The following EIF2AK3 variants were observed in gnomAD, a reference collection of about 807,000 sequenced individuals.
EIF2AK3 encodes eukaryotic translation initiation factor 2-alpha kinase 3.
A neutral mutation model predicts 113.5 loss-of-function variants in EIF2AK3; 50 were observed. The observed-to-expected ratio is 0.44, with a 90% CI of 0.35 to 0.56. The LOEUF is 0.56. Ranked by LOEUF, EIF2AK3 falls within the 20% of genes least tolerant of loss-of-function variation. EIF2AK3 has a pLI of 0.00. For synonymous variants in EIF2AK3, 448 were observed against 495.4 expected (o/e 0.90, Z 1.27); for missense variants, 1,185 against 1,378.0 (o/e 0.86, Z 2.22).
In EIF2AK3 at chr2:88,576,532, T is replaced by C. The variant is rs144925799; in HGVS notation, c.2036+22A>G. ...CACAAGCAAAAAACTAGCTTAAGTG[T>C]ATGTGTAACAAAGTTAGTTACCTTT... On this transcript the variant is annotated intron_variant, in intron 12 of 16. Transcript: ENST00000303236. The C allele has an allele frequency of 2.2e-5, 35 of 1,613,902 alleles. No individual in the cohort carries two copies. The East Asian group carries it at 6.0e-4, about 28-fold the overall frequency.
At chr2:88,610,530 G>A (rs541896941) in intron 2 of EIF2AK3, among the ~76,000 whole-genome samples, 19 of 152,242 alleles carry the variant, frequency 1.2e-4, no homozygotes, top group African/African-American at 4.3e-4. Context: ...GTATGTGGCT[G>A]GATTTTCTTC....
At chr2:88,607,438 C>T (rs2104460819) in intron 2 of EIF2AK3, among the ~76,000 whole-genome samples, 1 of 152,292 alleles carries the variant, frequency 6.6e-6, no homozygotes, top group South Asian at 2.1e-4. Flanking sequence ...ACTTTAGGTG[C>T]ATTATTTATT....
intron 11 of EIF2AK3, among the ~76,000 whole-genome samples, chr2:88,577,980 A>C (rs890757315): frequency 6.6e-6 from 1 of 152,190 alleles, no homozygotes; most frequent in African/African-American, 2.4e-5. Flanking sequence ...CAAAGGTCAA[A>C]ATCTTTCTTG....
At chr2:88,626,887 G>T in intron 1 of EIF2AK3, 80 bp downstream of exon 1, 1 of 1,549,610 alleles carries the variant, frequency 6.5e-7, no homozygotes, top group Non-Finnish European at 8.7e-7. Context: ...CCGGGTCCCG[G>T]ATCTCCGCCC....
At chr2:88,577,450 C>T (rs1376237617) in intron 11 of EIF2AK3, among the ~76,000 whole-genome samples, 1 of 150,646 alleles carries the variant, frequency 6.6e-6, no homozygotes, top group Non-Finnish European at 1.5e-5. Flanking sequence ...ATTTAAGGTG[C>T]TACAAGCTAT....
intron 16 of EIF2AK3, 62 bp downstream of exon 16, chr2:88,558,855 T>TA: frequency 7.4e-7 from 1 of 1,357,280 alleles, no homozygotes; most frequent in Non-Finnish European, 1.0e-6. Flanking sequence ...AGTCGACTGC[T>TA]AAGGACCGCT....
In EIF2AK3 at chr2:88,576,723, T is replaced by A. The variant is rs1397667688; in HGVS notation, c.1887-20A>T. The A allele has an allele frequency of 8.1e-6, 13 of 1,613,262 alleles. 1 individual carries two copies. The Admixed American group carries it at 1.7e-4, about 21-fold the overall frequency. On this transcript the variant is annotated intron_variant, in intron 11 of 16. Coordinates refer to ENST00000303236, the MANE Select transcript of EIF2AK3 (RefSeq NM_004836.7). Reference sequence around the variant, plus strand: ...AATTCCCTGAAAGAGAGAAAATATTTAAGGTGATGGATATTCCAATTACAC... The same window carrying A: ...AATTCCCTGAAAGAGAGAAAATATTAAAGGTGATGGATATTCCAATTACAC...
rs1466276004 is a variant in EIF2AK3, at chr2:88,575,406, G to T, written c.2077C>A (p.Pro693Thr). 9 of 1,611,788 alleles carry T rather than the reference G, an allele frequency of 5.6e-6. No individual in the cohort carries two copies. Among genetic ancestry groups the T allele is most frequent in the Non-Finnish European group, 7.6e-6 (9 of 1,179,996 alleles). Residue 693 changes from proline to threonine, a missense_variant, in exon 13 of 17, where the codon CCA (proline) becomes ACA (threonine). By Grantham distance (38) the Pro-to-Thr change is conservative (BLOSUM62 -1). This residue lies in a region of EIF2AK3 where 877 missense variants were observed against 1,024.2 expected (regional missense o/e 0.86). Transcript: ENST00000303236. Reference protein sequence around the residue: ...PLSSPSPMDAPSVKIRRMDPF... With the variant: ...PLSSPSPMDATSVKIRRMDPF... Reference sequence around the variant, plus strand: ...TCCATTCTGCGTATTTTAACTGATGGTGCATCCATTGGGCTAGGAGAGCTG... The same window carrying T: ...TCCATTCTGCGTATTTTAACTGATGTTGCATCCATTGGGCTAGGAGAGCTG...
intron 2 of EIF2AK3, among the ~76,000 whole-genome samples, chr2:88,603,863 C>T (rs113035513): frequency 3.2e-4 from 49 of 152,284 alleles, no homozygotes; most frequent in African/African-American, 1.1e-3. Context: ...AGCATCTCTG[C>T]TTGGAGAGCT....
intron 2 of EIF2AK3, among the ~76,000 whole-genome samples, chr2:88,610,245 A>T (rs996825272): frequency 2.0e-5 from 3 of 152,214 alleles, no homozygotes; most frequent in African/African-American, 4.8e-5. Context: ...TTGTTTTTTT[A>T]AAAAATATTC....
intron 2 of EIF2AK3, among the ~76,000 whole-genome samples, chr2:88,607,773 G>A (rs957159425): frequency 5.3e-5 from 8 of 152,158 alleles, no homozygotes; most frequent in Non-Finnish European, 1.0e-4. Flanking sequence ...TAGTGAATTT[G>A]TTCTTTATTT....
At chr2:88,593,830 C>T (rs982666996) in intron 3 of EIF2AK3, 77 of 927,684 alleles carry the variant, frequency 8.3e-5, no homozygotes, top group Middle Eastern at 5.5e-4. Context: ...TTTTTGTATT[C>T]AAAAGTAACT....
chr2:88,588,783 T>C lies in EIF2AK3; in HGVS notation c.1284A>G (p.Thr428=). The C allele has an allele frequency of 1.9e-6, 3 of 1,613,786 alleles. No homozygotes were observed. The highest frequency in any genetic ancestry group is 2.5e-6 in the Non-Finnish European group (3 of 1,179,834). ...TACGAATTAAGGGTTTCCATTTGAT[T>C]GTTGGTAAAGGAATAATTGCGTTTT... is the stretch of plus-strand genomic sequence containing the variant. ...TNENAIIPLP[T]IKWKPLIHSP... Residue 428 remains threonine, a synonymous_variant, in exon 7 of 17, where the codon ACA becomes ACG. Transcript: ENST00000303236.
At chr2:88,625,433 C>T (rs998874278) in intron 1 of EIF2AK3, among the ~76,000 whole-genome samples, 14 of 152,074 alleles carry the variant, frequency 9.2e-5, no homozygotes, top group African/African-American at 3.1e-4. Flanking sequence ...ACCCATTTTT[C>T]AGGAACCAAC....
At chr2:88,564,345 G>A (rs572841706) in intron 14 of EIF2AK3, among the ~76,000 whole-genome samples, 1 of 152,222 alleles carries the variant, frequency 6.6e-6, no homozygotes, top group African/African-American at 2.4e-5. Context: ...ACTTTTTAAG[G>A]AGCACTTTAT....
At chr2:88,573,671 A>G (rs1674376911) in intron 13 of EIF2AK3, among the ~76,000 whole-genome samples, 1 of 152,224 alleles carries the variant, frequency 6.6e-6, no homozygotes, top group South Asian at 2.1e-4. Flanking sequence ...ATTAAAAAAT[A>G]AGAATTATTT....
At chr2:88,562,793 G>A (rs1674000508) in intron 14 of EIF2AK3, among the ~76,000 whole-genome samples, 1 of 152,290 alleles carries the variant, frequency 6.6e-6, no homozygotes, top group Middle Eastern at 3.4e-3. Context: ...CCATTTTTAT[G>A]AGAAAATCTT....
rs375264248 is a variant in EIF2AK3, at chr2:88,591,913, CA to C, written c.768-862del. On this transcript the variant is annotated intron_variant, in intron 4 of 16. Coordinates refer to ENST00000303236, the MANE Select transcript of EIF2AK3 (RefSeq NM_004836.7). ...AACACTTAAAAAAACAAAATCCAGT[CA>C]GGATAAAGAAGGTCAAGTTGTCTGT... Among the ~76,000 whole-genome samples the C allele has an allele frequency of 4.5e-4, 69 of 152,164 alleles. 1 individual carries two copies. In the South Asian group the frequency reaches 0.012, roughly 27 times the overall value.
chr2:88,615,462 C>G (rs1032009176), intron 1 of EIF2AK3, among the ~76,000 whole-genome samples: 1 of 152,200 alleles, frequency 6.6e-6, no homozygotes, highest in East Asian at 1.9e-4. Context: ...GGGGTCCTCA[C>G]TTATGATATT....
Sources: gnomAD v4.1 joint callset for allele counts (sites outside exome capture counted in the v4.1 genomes callset) on GRCh38, gnomAD v4.1.1 for gene constraint, gnomAD v4.1.1 regional missense constraint, MANE v1.5 for transcripts, NCBI Gene and HGNC (gene_info 2026-07-23, HGNC 2026-07-21) for gene names.